The following FGF13 variants were observed in gnomAD, a reference collection of about 807,000 sequenced individuals.
The protein encoded by FGF13 is fibroblast growth factor 13.
FGF13 carries 2 observed loss-of-function variants against 19.5 expected under a neutral mutation model. The observed-to-expected ratio is 0.10, with a 90% confidence interval of 0.04 to 0.32. The LOEUF is 0.32. FGF13 is among the 10% of genes least tolerant of loss of function. The pLI is 1.00. For missense variants in FGF13, 113 were observed against 192.7 expected, an observed-to-expected ratio of 0.59 and a Z score of 2.45; for synonymous variants, 72 against 76.9, an observed-to-expected ratio of 0.94 and a Z score of 0.33.
chrX:138,872,100 G>A (rs1333783075), intron 1 of FGF13, among the ~76,000 whole-genome samples: 1 of 111,955 alleles, frequency 8.9e-6, no homozygotes, highest in Non-Finnish European at 1.9e-5. Flanking sequence ...TGTGTAGTTG[G>A]GAAGAAGTAG....
intron 1 of FGF13, among the ~76,000 whole-genome samples, chrX:139,090,489 G>A (rs889252395): frequency 9.9e-5 from 11 of 111,128 alleles, no homozygotes; most frequent in African/African-American, 3.3e-4. Context: ...CTGTTACATA[G>A]GTAAACTTGT....
At chrX:138,656,401 C>A (rs186017176) in intron 3 of FGF13, among the ~76,000 whole-genome samples, 3 of 111,649 alleles carry the variant, frequency 2.7e-5, no homozygotes, top group Non-Finnish European at 5.6e-5. Flanking sequence ...AATGGCATAG[C>A]GTATGTAAAT....
chrX:138,842,060 A>G (rs2091153049), intron 3 of FGF13, among the ~76,000 whole-genome samples: 1 of 112,304 alleles, frequency 8.9e-6, no homozygotes, highest in Non-Finnish European at 1.9e-5. Flanking sequence ...CTTGAGGAAT[A>G]CCTTCACCTC....
intron 3 of FGF13, among the ~76,000 whole-genome samples, chrX:138,759,054 C>A (rs1029362958): frequency 3.4e-4 from 38 of 111,946 alleles, no homozygotes; most frequent in African/African-American, 1.2e-3. Context: ...AAGCTGAGAG[C>A]GTAAAAATAT....
At chrX:138,679,905 G>A (rs763234637) in intron 3 of FGF13, among the ~76,000 whole-genome samples, 2 of 111,843 alleles carry the variant, frequency 1.8e-5, no homozygotes, top group Non-Finnish European at 3.8e-5. Flanking sequence ...CTTTACCCAC[G>A]GAAAAACTTA....
chrX:138,629,897 T>C lies in FGF13; in HGVS notation c.*2953A>G, dbSNP rs1193457673. ...ATGTGAGCTAATATCTGAGACCCAA[T>C]AGTATTTGAAGTGTTTCCCACAACT... On this transcript the variant is annotated 3_prime_UTR_variant, in exon 5 of 5. Transcript: ENST00000315930. The C allele has an allele frequency of 2.7e-5, 3 of 111,258 alleles. No individual in the cohort carries two copies. Among genetic ancestry groups the C allele is most frequent in the Non-Finnish European group, 5.6e-5 (3 of 53,109 alleles). 9.2% of individuals were successfully genotyped at this position (111,258 alleles called of 1,213,427 possible). A position where few individuals can be genotyped will look rare whatever the true frequency, so the allele number is the denominator to read the frequency against.
In FGF13 at chrX:138,711,177, A is replaced by T; in HGVS notation, c.-174T>A. 1 of 1,065,768 alleles carries T rather than the reference A, an allele frequency of 9.4e-7. No homozygotes were observed. Among genetic ancestry groups the T allele is most frequent in the Non-Finnish European group, 1.2e-6 (1 of 829,843 alleles). 87.8% of individuals were successfully genotyped at this position (1,065,768 alleles called of 1,213,427 possible). On this transcript the variant is annotated 5_prime_UTR_variant, in exon 1 of 5. An upstream start codon of the reference 5' UTR is lost. Transcript: ENST00000315930. ...GCTTCAGCCAAGGAGGGGGCTCAGC[A>T]TGCCGTCCGAGCTCCTCCGGCGGCG... is the stretch of plus-strand genomic sequence containing the variant.
chrX:139,071,044 A>G (rs2092375026), intron 1 of FGF13, among the ~76,000 whole-genome samples: 1 of 109,128 alleles, frequency 9.2e-6, no homozygotes, highest in Non-Finnish European at 1.9e-5. Flanking sequence ...CGAGTTGATG[A>G]GTGCAGCAAA....
At chrX:138,761,417 C>A (rs2090465356) in intron 3 of FGF13, among the ~76,000 whole-genome samples, 1 of 111,388 alleles carries the variant, frequency 9.0e-6, no homozygotes, top group African/African-American at 3.3e-5. Flanking sequence ...ACTCCTGGAA[C>A]TGCTTTGGGA....
At chrX:138,963,381 A>C (rs1409357020) in intron 1 of FGF13, among the ~76,000 whole-genome samples, 1 of 112,598 alleles carries the variant, frequency 8.9e-6, no homozygotes, top group African/African-American at 3.2e-5. Flanking sequence ...CAATGTCCAC[A>C]GAAGTGAATC....
chrX:139,024,943 G>A (rs1448073038), intron 1 of FGF13, among the ~76,000 whole-genome samples: 1 of 110,478 alleles, frequency 9.1e-6, no homozygotes, highest in Admixed American at 9.7e-5. Context: ...GATGATCCTG[G>A]GGCATAGTTT....
chrX:139,158,846 T>G (rs1777237951), intron 1 of FGF13, among the ~76,000 whole-genome samples: 1 of 111,046 alleles, frequency 9.0e-6, no homozygotes, highest in Non-Finnish European at 1.9e-5. Context: ...CAAACCTACA[T>G]TTGACTGGTG....
At chrX:138,709,307 G>T (rs1019811954) in intron 1 of FGF13, among the ~76,000 whole-genome samples, 11 of 112,100 alleles carry the variant, frequency 9.8e-5, no homozygotes, top group African/African-American at 3.6e-4. Flanking sequence ...AGATAATTCA[G>T]AGTTGTCTGC....
chrX:138,936,139 T>C (rs1336281265), intron 1 of FGF13, among the ~76,000 whole-genome samples: 1 of 112,719 alleles, frequency 8.9e-6, no homozygotes, highest in Non-Finnish European at 1.9e-5. Context: ...CAATCATCTC[T>C]TGGGGCGAAG....
intron 1 of FGF13, among the ~76,000 whole-genome samples, chrX:139,029,263 G>C (rs1221136539): frequency 8.9e-6 from 1 of 111,887 alleles, no homozygotes; most frequent in East Asian, 2.8e-4. Flanking sequence ...TGAAAGCCAA[G>C]AAGATTCCTC....
At position 138,882,066 on chromosome X, in the gene FGF13, T is replaced by C. The variant is rs752840180; in HGVS notation, c.-112-17416A>G. Among the ~76,000 whole-genome samples the C allele has an allele frequency of 4.5e-5, 5 of 111,120 alleles. No homozygotes were observed. The East Asian group carries it at 1.4e-3, about 32-fold the overall frequency. On this transcript the variant is annotated intron_variant, in intron 1 of 2. Coordinates refer to the FGF13 transcript ENST00000421460. ...TTTTAATTTCACTCTGAGTAGTCCC[T>C]TTGCTATATCCCATAAGTTTTGGTA...
chrX:139,179,373 G>C (rs905856443), intron 1 of FGF13, among the ~76,000 whole-genome samples: 1 of 108,486 alleles, frequency 9.2e-6, no homozygotes, highest in Non-Finnish European at 1.9e-5. Flanking sequence ...CTCTCTTTTC[G>C]CAAAAAATCA....
At chrX:138,732,825 G>C (rs1363088469) in intron 1 of FGF13, among the ~76,000 whole-genome samples, 2 of 111,343 alleles carry the variant, frequency 1.8e-5, no homozygotes, top group Non-Finnish European at 3.8e-5. Flanking sequence ...ATGAAGACTA[G>C]TGAGTCACTG....
At chrX:138,720,117 C>G (rs1470608198) in intron 1 of FGF13, among the ~76,000 whole-genome samples, 1 of 112,535 alleles carries the variant, frequency 8.9e-6, no homozygotes, top group African/African-American at 3.2e-5. Flanking sequence ...GGGCACTATT[C>G]AAAGTACAAT....
Sources: gnomAD v4.1 joint callset for allele counts (sites outside exome capture counted in the v4.1 genomes callset) on GRCh38, gnomAD v4.1.1 for gene constraint, MANE v1.5 for transcripts, NCBI Gene and HGNC (gene_info 2026-07-23, HGNC 2026-07-21) for gene names.